The following CDH7 variants were observed in gnomAD, a reference collection of about 807,000 sequenced individuals.
CDH7 encodes cadherin-7.
Under a neutral mutation model 71.8 loss-of-function variants are expected in CDH7, and 25 were observed. The ratio of observed to expected loss-of-function variants is 0.35; its 90% CI spans 0.25 to 0.49. CDH7 has a LOEUF of 0.49. Ranked by LOEUF, CDH7 falls within the 20% of genes least tolerant of loss-of-function variation. The probability of loss-of-function intolerance (pLI) is 0.99; values close to 1 mark genes in which losing one functional copy is unlikely to be tolerated. For synonymous variants in CDH7, 381 were observed against 363.8 expected, an observed-to-expected ratio of 1.05 and a Z score of -0.54; for missense variants, 862 against 974.6, an observed-to-expected ratio of 0.88 and a Z score of 1.54.
chr18:65,763,273 T>A (rs1480970840), intron 2 of CDH7, among the ~76,000 whole-genome samples: 2 of 152,218 alleles, frequency 1.3e-5, no homozygotes, highest in Non-Finnish European at 2.9e-5. Flanking sequence ...TATTAGGGAA[T>A]GATGCTTCAT....
intron 2 of CDH7, among the ~76,000 whole-genome samples, chr18:65,784,576 C>A (rs1468509768): frequency 6.6e-6 from 1 of 152,112 alleles, no homozygotes; most frequent in African/African-American, 2.4e-5. Flanking sequence ...TTAAAATATA[C>A]CATTAGGAGA....
chr18:65,798,197 T>C (rs1203259310), intron 2 of CDH7, among the ~76,000 whole-genome samples: 1 of 152,044 alleles, frequency 6.6e-6, no homozygotes, highest in African/African-American at 2.4e-5. Context: ...AGTGTGAAGT[T>C]TCCATAAATC....
chr18:65,778,529 CT>C (rs1156727313), intron 2 of CDH7, among the ~76,000 whole-genome samples: 1,500 of 84,318 alleles, frequency 0.018, 59 homozygotes, highest in African/African-American at 0.05. Flanking sequence ...GCGTCTCACT[CT>C]TTTTTTTTTT....
At chr18:65,781,604 T>A (rs1910190546) in intron 2 of CDH7, among the ~76,000 whole-genome samples, 1 of 152,108 alleles carries the variant, frequency 6.6e-6, no homozygotes, top group Admixed American at 6.6e-5. Flanking sequence ...TACATGTAAT[T>A]CAAATCCTTT....
chr18:65,789,488 T>A (rs1352891667), intron 2 of CDH7, among the ~76,000 whole-genome samples: 2 of 152,064 alleles, frequency 1.3e-5, no homozygotes, highest in Non-Finnish European at 2.9e-5. Context: ...TTTTTTTGTT[T>A]GTTTTTTGAT....
chr18:65,852,273 C>G (rs1037389541), intron 7 of CDH7, among the ~76,000 whole-genome samples: 10 of 152,098 alleles, frequency 6.6e-5, no homozygotes, highest in African/African-American at 2.4e-4. Context: ...AATCTTGGAT[C>G]CAACCCCCAA....
At position 65,885,423 on chromosome 18, in the gene CDH7, G is replaced by A; in HGVS notation, c.*4529G>A. 1 of 118,616 alleles carries A rather than the reference G, an allele frequency of 8.4e-6. No individual in the cohort carries two copies. Among genetic ancestry groups the A allele is most frequent in the African/African-American group, 3.0e-5 (1 of 33,018 alleles). 7.3% of individuals were successfully genotyped at this position (118,616 alleles called of 1,614,324 possible). On this transcript the variant is annotated 3_prime_UTR_variant, in exon 12 of 12. Transcript: ENST00000397968. ...CGTGGAGTCTCGCTCTGTCGCCCAG[G>A]CTGGAGTGCAGTGGTGCGATCTCGG... is the stretch of plus-strand genomic sequence containing the variant.
chr18:65,845,552 T>C (rs549325141), intron 7 of CDH7, among the ~76,000 whole-genome samples: 18 of 152,272 alleles, frequency 1.2e-4, no homozygotes, highest in African/African-American at 3.8e-4. Context: ...AGTTTTGTTA[T>C]AGCATTCCAT....
intron 11 of CDH7, among the ~76,000 whole-genome samples, chr18:65,864,406 TG>T (rs1321508712): frequency 2.6e-5 from 4 of 151,292 alleles, no homozygotes; most frequent in Non-Finnish European, 2.9e-5. Flanking sequence ...TGTTTTGTTT[TG>T]TTTTTTTTTT....
intron 6 of CDH7, among the ~76,000 whole-genome samples, chr18:65,834,278 A>C (rs1276047727): frequency 6.6e-6 from 1 of 152,180 alleles, no homozygotes; most frequent in Non-Finnish European, 1.5e-5. Flanking sequence ...TGTTTGGTGC[A>C]CTGTAATAGC....
intron 2 of CDH7, among the ~76,000 whole-genome samples, chr18:65,804,572 A>G (rs937026312): frequency 2.6e-5 from 4 of 152,146 alleles, no homozygotes; most frequent in South Asian, 2.1e-4. Flanking sequence ...ATAGCAGTGC[A>G]TTGCTCTTTT....
chr18:65,824,829 A>C lies in CDH7; in HGVS notation c.979A>C (p.Lys327Gln). The change falls in exon 6 of 12, where the codon AAG becomes CAG. Residue 327 changes from lysine to glutamine, a missense_variant and splice_region_variant. Lys to Gln is a moderately conservative substitution (Grantham distance 53). Coordinates refer to ENST00000397968, the MANE Select transcript of CDH7 (RefSeq NM_004361.5). Reference protein sequence around the residue: ...ETQEGIITIQKELDFEAKTSY... With the variant: ...ETQEGIITIQQELDFEAKTSY... The stretch of plus-strand genomic sequence containing the variant: ...CCAGGAAGGAATCATTACTATACAG[A>C]AGGTAATGTTTTCTTTATTTATCTT... The C allele has an allele frequency of 6.3e-7, 1 of 1,581,874 alleles. No individual in the cohort carries two copies. The highest frequency in any genetic ancestry group is 1.8e-5 in the Admixed American group (1 of 56,552).
At chr18:65,876,101 G>C (rs1435908211) in intron 11 of CDH7, among the ~76,000 whole-genome samples, 1 of 152,134 alleles carries the variant, frequency 6.6e-6, no homozygotes, top group Non-Finnish European at 1.5e-5. Flanking sequence ...TTCTTACAGT[G>C]AATTGCACTA....
chr18:65,796,705 A>T (rs1465567278), intron 2 of CDH7, among the ~76,000 whole-genome samples: 2 of 152,154 alleles, frequency 1.3e-5, no homozygotes, highest in Admixed American at 6.5e-5. Flanking sequence ...CGAGACCCCG[A>T]ATCCCATGGC....
chr18:65,880,869 C>T lies in CDH7; in HGVS notation c.2333C>T (p.Thr778Ile), dbSNP rs967685171. Residue 778 changes from threonine to isoleucine, a missense_variant, in exon 12 of 12, where the codon ACT (threonine) becomes ATT (isoleucine). Thr to Ile is a moderately conservative substitution (Grantham distance 89, BLOSUM62 -1). Transcript: ENST00000397968. ...AAACGACTCGCGGACATGTATGGGA[C>T]TGGCCAAGAGAGTTTGTACTCATAG... Reference protein sequence around the residue: ...RFKRLADMYGTGQESLYS With the variant: ...RFKRLADMYGIGQESLYS 4 of 1,613,532 alleles carry T rather than the reference C, an allele frequency of 2.5e-6. No individual in the cohort carries two copies. The highest frequency in any genetic ancestry group is 2.5e-6 in the Non-Finnish European group (3 of 1,179,798).
intron 4 of CDH7, among the ~76,000 whole-genome samples, chr18:65,819,473 G>A (rs979915742): frequency 6.6e-6 from 1 of 151,544 alleles, no homozygotes; most frequent in African/African-American, 2.4e-5. Flanking sequence ...CAATTTGTGG[G>A]CTTGCCTGTT....
At chr18:65,781,870 C>CTT (rs1436086541) in intron 2 of CDH7, among the ~76,000 whole-genome samples, 3 of 113,322 alleles carry the variant, frequency 2.6e-5, no homozygotes, top group African/African-American at 1.2e-4. Context: ...TTCTTTCTCT[C>CTT]TCTCTCTCTG....
intron 6 of CDH7, among the ~76,000 whole-genome samples, chr18:65,830,039 T>C (rs886709613): frequency 6.6e-6 from 1 of 152,150 alleles, no homozygotes; most frequent in Non-Finnish European, 1.5e-5. Context: ...AGTTGAATAG[T>C]GGATTCATAA....
intron 2 of CDH7, among the ~76,000 whole-genome samples, chr18:65,769,799 T>C (rs1916489144): frequency 6.6e-6 from 1 of 152,126 alleles, no homozygotes; most frequent in African/African-American, 2.4e-5. Flanking sequence ...TCAGGGAATG[T>C]ATTTTTGGCA....
Sources: allele counts gnomAD v4.1 joint callset (sites outside exome capture counted in the v4.1 genomes callset), GRCh38; gene constraint gnomAD v4.1.1; transcripts MANE v1.5; gene names NCBI Gene and HGNC (gene_info 2026-07-23, HGNC 2026-07-21).